Variants in CYP1B1 observed in about 807,000 individuals in gnomAD.
CYP1B1 encodes the protein cytochrome P450 family 1 subfamily B member 1.
A neutral mutation model predicts 29.9 loss-of-function variants in CYP1B1; 22 were observed. The ratio of observed to expected loss-of-function variants is 0.74; its 90% CI spans 0.53 to 1.05. CYP1B1 has a LOEUF of 1.05. Ranked by LOEUF, CYP1B1 falls within the 50% of genes least tolerant of loss-of-function variation. The probability of loss-of-function intolerance (pLI) is 0.00; values close to 1 mark genes in which losing one functional copy is unlikely to be tolerated. For synonymous variants in CYP1B1, 375 were observed against 320.0 expected, an observed-to-expected ratio of 1.17 and a Z score of -1.83; for missense variants, 883 against 746.9, an observed-to-expected ratio of 1.18 and a Z score of -2.12.
In CYP1B1 at chr2:38,075,404, GAGA is replaced by G. The variant is rs1682520016; in HGVS notation, c.-1-18_-1-16del. 1 of 1,609,614 alleles carries G rather than the reference GAGA, an allele frequency of 6.2e-7. No homozygotes were observed. Among genetic ancestry groups the G allele is most frequent in the Non-Finnish European group, 8.5e-7 (1 of 1,179,638 alleles). On this transcript the variant is annotated splice_polypyrimidine_tract_variant and intron_variant, in intron 1 of 2. Coordinates refer to ENST00000610745, the MANE Select transcript of CYP1B1 (RefSeq NM_000104.4). Reference sequence around the variant, plus strand: ...TGGTGCCCATGCTGGGGACAGAGAGGAGAAGGCGTGACACTCAGGGGTGCAGAG... The same window carrying G: ...TGGTGCCCATGCTGGGGACAGAGAGGAGGCGTGACACTCAGGGGTGCAGAG...
chr2:38,072,458 A>G (rs951511384), intron 2 of CYP1B1, among the ~76,000 whole-genome samples: 1 of 152,234 alleles, frequency 6.6e-6, no homozygotes, highest in Non-Finnish European at 1.5e-5. Context: ...ATAACTATAC[A>G]TTATCATAGC....
At position 38,075,067 on chromosome 2, in the gene CYP1B1, C is replaced by G. The variant is rs1682506411; in HGVS notation, c.322G>C (p.Val108Leu). The G allele has an allele frequency of 6.3e-7, 1 of 1,584,756 alleles. No individual in the cohort carries two copies. The highest frequency in any genetic ancestry group is 8.5e-7 in the Non-Finnish European group (1 of 1,173,360). The change falls in exon 2 of 3, where the codon GTG (valine) becomes CTG (leucine). Residue 108 changes from valine (V) to leucine (L), a missense_variant. Physicochemically the swap from Val to Leu is conservative, Grantham distance 32. Transcript: ENST00000610745. ...TCGGCGAAGGCCGAGCCCTGCTGCA[C>G]CAGGGCCTGGTGGATGGCGCGCTCG... The part of the protein sequence containing the change: ...NGERAIHQAL[V>L]QQGSAFADRP...
In CYP1B1 at chr2:38,070,878, A is replaced by G. The variant is rs528878630; in HGVS notation, c.1476T>C (p.Asp492=). 1.2e-6 allele frequency: 2 copies of G among 1,614,208 alleles called. No individual in the cohort carries two copies. Among genetic ancestry groups the G allele is most frequent in the African/African-American group, 2.7e-5 (2 of 75,038 alleles). Reference sequence around the variant, plus strand: ...CAGGCTCATTTGGGTTGGCCCTGAAATCGCACTGGTGAGCCAGGATGGAGA... The same window carrying G: ...CAGGCTCATTTGGGTTGGCCCTGAAGTCGCACTGGTGAGCCAGGATGGAGA... The part of the protein sequence containing the change: ...LFISILAHQC[D]FRANPNEPAK... Residue 492 remains aspartate, a synonymous_variant, in exon 3 of 3, where the codon GAT becomes GAC. Coordinates refer to ENST00000610745, the MANE Select transcript of CYP1B1 (RefSeq NM_000104.4).
At position 38,074,567 on chromosome 2, in the gene CYP1B1, G is replaced by A. The variant is rs1682491415; in HGVS notation, c.822C>T (p.Asp274=). 3.1e-6 allele frequency: 5 copies of A among 1,610,748 alleles called. No homozygotes were observed. Among genetic ancestry groups the A allele is most frequent in the Non-Finnish European group, 4.2e-6 (5 of 1,178,754 alleles). The change falls in exon 2 of 3, where the codon GAC becomes GAT. Residue 274 remains aspartate (D), a synonymous_variant. Coordinates refer to ENST00000610745, the MANE Select transcript of CYP1B1 (RefSeq NM_000104.4). ...LNRNFSNFIL[D]KFLRHCESLR... ...GGCTTTCGCAGTGCCTCAAGAACTT[G>A]TCCAGGATGAAGTTGCTGAAGTTGC... is the stretch of plus-strand genomic sequence containing the variant.
chr2:38,075,478 AGTGCCGTTGG>A, intron 1 of CYP1B1, 89 bp from the exon 2 acceptor site: 1 of 1,365,734 alleles, frequency 7.3e-7, no homozygotes, highest in South Asian at 1.2e-5. Flanking sequence ...CTGGGGACTG[AGTGCCGTTGG>A]GTGGAGAGGT....
chr2:38,074,378 G>A lies in CYP1B1; in HGVS notation c.1011C>T (p.Thr337=), dbSNP rs1248670228. 2 of 1,613,490 alleles carry A rather than the reference G, an allele frequency of 1.2e-6. No homozygotes were observed. The highest frequency in any genetic ancestry group is 1.3e-5 in the African/African-American group (1 of 74,948). ...AGAGGAGGAGCAGCCACTGCAGCGCGGTGGACAGGGTGTCCTGGCTGGCGC... is the reference window on the plus strand; with the variant it reads ...AGAGGAGGAGCAGCCACTGCAGCGCAGTGGACAGGGTGTCCTGGCTGGCGC... ...IFGASQDTLS[T]ALQWLLLLFT... The change falls in exon 2 of 3, where the codon ACC becomes ACT. Residue 337 remains threonine, a synonymous_variant. Transcript: ENST00000610745.
rs1273373810 is a variant in CYP1B1 at position 38,074,804 on chromosome 2, C to A, written c.585G>T (p.Pro195=). Residue 195 remains proline (P), a synonymous_variant, in exon 2 of 3, where the codon CCG becomes CCT. Coordinates refer to ENST00000610745, the MANE Select transcript of CYP1B1 (RefSeq NM_000104.4). ...CGTTGGCCACGGCCACGACGGTCAG[C>A]GGCCTCGGGTCGAGGAAGGCGCCGT... is the stretch of plus-strand genomic sequence containing the variant. ...SADGAFLDPR[P]LTVVAVANVM... The A allele has an allele frequency of 1.3e-6, 2 of 1,579,222 alleles. No homozygotes were observed. Among genetic ancestry groups the A allele is most frequent in the Non-Finnish European group, 1.7e-6 (2 of 1,162,954 alleles).
chr2:38,070,483 A>G lies in CYP1B1; in HGVS notation c.*239T>C. ...ACCAAGATGCAGTATGTATATAATA[A>G]TTCATTGGGCCCTTTAAGTCTTTGA... On this transcript the variant is annotated 3_prime_UTR_variant, in exon 3 of 3. Transcript: ENST00000610745. The G allele has an allele frequency of 5.5e-6, 3 of 544,186 alleles. No homozygotes were observed. The highest frequency in any genetic ancestry group is 6.5e-6 in the Non-Finnish European group (2 of 306,352). 33.7% of individuals were successfully genotyped at this position (544,186 alleles called of 1,614,324 possible).
intron 2 of CYP1B1, among the ~76,000 whole-genome samples, chr2:38,072,725 C>G (rs896354505): frequency 2.0e-5 from 3 of 152,148 alleles, no homozygotes; most frequent in Admixed American, 2.0e-4. Context: ...CTATTTTAGA[C>G]TTTGTGGACC....
Position 38,074,475 on chromosome 2 carries a change from G to T in CYP1B1, c.914C>A (p.Ala305Asp). ...CGCGCCACCACCGTGCGAGTCCCCG[G>T]CCGCCTTCTTTTCCGCAGAGAGGAT... ...AFILSAEKKA[A>D]GDSHGGGARL... The change falls in exon 2 of 3, where the codon GCC (alanine) becomes GAC (aspartate). Residue 305 changes from alanine (A) to aspartate (D), a missense_variant. Transcript: ENST00000610745. 6.2e-7 allele frequency: 1 copy of T among 1,612,656 alleles called. No homozygotes were observed. The highest frequency in any genetic ancestry group is 8.5e-7 in the Non-Finnish European group (1 of 1,179,628).
At position 38,074,728 on chromosome 2, in the gene CYP1B1, ACT is replaced by A; in HGVS notation, c.659_660del (p.Glu220ValfsTer3). ...TCGTTGTGGCTGAGCAGCTCACGGAACTCGGGGTCGTCGTGGCTGTAGCGGCA... is the reference window on the plus strand; with the variant it reads ...TCGTTGTGGCTGAGCAGCTCACGGAACGGGGTCGTCGTGGCTGTAGCGGCA... ...FGCRYSHDDP[E>X]FRELLSHNEE... On this transcript the variant is annotated frameshift_variant, in exon 2 of 3. Transcript: ENST00000610745. LOFTEE classifies it high-confidence loss of function. The A allele has an allele frequency of 6.2e-7, 1 of 1,608,834 alleles. No homozygotes were observed. Among genetic ancestry groups the A allele is most frequent in the South Asian group, 1.1e-5 (1 of 90,188 alleles).
At position 38,068,050 on chromosome 2, in the gene CYP1B1, T is replaced by C. The variant is rs1263581403; in HGVS notation, c.*2672A>G. The stretch of plus-strand genomic sequence containing the variant: ...AACAAACCTGAGACATCTTTTTGTT[T>C]TGGAAAAAAGCAATTTGCTTATAGA... On this transcript the variant is annotated 3_prime_UTR_variant, in exon 3 of 3. Coordinates refer to ENST00000610745, the MANE Select transcript of CYP1B1 (RefSeq NM_000104.4). 1 of 202,054 alleles carries C rather than the reference T, an allele frequency of 4.9e-6. No individual in the cohort carries two copies. The highest frequency in any genetic ancestry group is 1.0e-5 in the Non-Finnish European group (1 of 97,918). 12.5% of individuals were successfully genotyped at this position (202,054 alleles called of 1,614,324 possible).
Position 38,073,134 on chromosome 2 carries a change from C to A in CYP1B1, c.1043+1212G>T, listed in dbSNP as rs532474572. Among the ~76,000 whole-genome samples the A allele has an allele frequency of 9.2e-5, 14 of 152,310 alleles. No homozygotes were observed. In the East Asian group the frequency reaches 2.5e-3, roughly 27 times the overall value. Reference sequence around the variant, plus strand: ...TTATTCGATTTCTGCCTCTCCCTCACCCACCATGGGTGTTTCTATGATTTT... The same window carrying A: ...TTATTCGATTTCTGCCTCTCCCTCAACCACCATGGGTGTTTCTATGATTTT... On this transcript the variant is annotated intron_variant, in intron 2 of 2. Transcript: ENST00000610745.
At chr2:38,075,526 G>A (rs950103658) in intron 1 of CYP1B1, 137 bp from the exon 2 acceptor site, 8 of 844,854 alleles carry the variant, frequency 9.5e-6, no homozygotes, top group Admixed American at 4.3e-5. Flanking sequence ...AGAAATGGCC[G>A]AAGACGCCCC....
rs954811191 is a variant in CYP1B1, at chr2:38,074,339, G to T, written c.1043+7C>A. 3.7e-6 allele frequency: 6 copies of T among 1,612,822 alleles called. No individual in the cohort carries two copies. In the African/African-American group the frequency reaches 6.7e-5, roughly 18 times the overall value. On this transcript the variant is annotated splice_region_variant and intron_variant, in intron 2 of 2. Coordinates refer to ENST00000610745, the MANE Select transcript of CYP1B1 (RefSeq NM_000104.4). Reference sequence around the variant, plus strand: ...AAGACCTGGCCCACGCCTCCCAGAGGCTTTACCTGGTGAAGAGGAGGAGCA... The same window carrying T: ...AAGACCTGGCCCACGCCTCCCAGAGTCTTTACCTGGTGAAGAGGAGGAGCA...
chr2:38,075,005 G>A lies in CYP1B1; in HGVS notation c.384C>T (p.Gly128=). ...PAFASFRVVS[G]GRSMAFGHYS... ...AGTGGCCGAAAGCCATGCTGCGGCCGCCGGACACCACACGGAAGGAGGCGA... is the reference window on the plus strand; with the variant it reads ...AGTGGCCGAAAGCCATGCTGCGGCCACCGGACACCACACGGAAGGAGGCGA... The change falls in exon 2 of 3, where the codon GGC becomes GGT. Residue 128 remains glycine (G), a synonymous_variant. Transcript: ENST00000610745. 4 of 1,590,344 alleles carry A rather than the reference G, an allele frequency of 2.5e-6. No individual in the cohort carries two copies. The South Asian group carries it at 3.3e-5, about 13-fold the overall frequency.
Position 38,075,766 on chromosome 2 carries a change from G to A in CYP1B1, c.-2+14C>T, listed in dbSNP as rs1682527538. 3.3e-6 allele frequency: 1 copy of A among 300,698 alleles called. No homozygotes were observed. Among genetic ancestry groups the A allele is most frequent in the South Asian group, 3.8e-5 (1 of 26,352 alleles). 18.6% of individuals were successfully genotyped at this position (300,698 alleles called of 1,614,324 possible). A position where few individuals can be genotyped will look rare whatever the true frequency, so the allele number is the denominator to read the frequency against. On this transcript the variant is annotated intron_variant, in intron 1 of 2. Transcript: ENST00000610745. ...GAAGAGGTCGCCGGGCAGCGCCTCG[G>A]CAGACAGACTGACCTGCGGGGAGGT...
In CYP1B1 at chr2:38,068,576, CAA is replaced by C; in HGVS notation, c.*2144_*2145del. 4.4e-6 allele frequency: 1 copy of C among 227,450 alleles called. No homozygotes were observed. Among genetic ancestry groups the C allele is most frequent in the Non-Finnish European group, 8.8e-6 (1 of 114,186 alleles). 14.1% of individuals were successfully genotyped at this position (227,450 alleles called of 1,614,324 possible). A position where few individuals can be genotyped will look rare whatever the true frequency, so the allele number is the denominator to read the frequency against. On this transcript the variant is annotated 3_prime_UTR_variant, in exon 3 of 3. Transcript: ENST00000610745. Reference sequence around the variant, plus strand: ...CATAATATTTTGGAATGGCAAGTGCCAAAAAATTTAAATGTACTGGGCAAGCC... The same window carrying C: ...CATAATATTTTGGAATGGCAAGTGCCAAAATTTAAATGTACTGGGCAAGCC...
rs1682415169 is a variant in CYP1B1, at chr2:38,070,892, C to T, written c.1462G>A (p.Ala488Thr). Residue 488 changes from alanine to threonine, a missense_variant, in exon 3 of 3, where the codon GCT (alanine) becomes ACT (threonine). Ala to Thr is a moderately conservative substitution (Grantham distance 58). Transcript: ENST00000610745. ...MQLFLFISIL[A>T]HQCDFRANPN... The stretch of plus-strand genomic sequence containing the variant: ...TTGGCCCTGAAATCGCACTGGTGAG[C>T]CAGGATGGAGATGAAGAGAAAAAGC... 5 of 1,613,920 alleles carry T rather than the reference C, an allele frequency of 3.1e-6. No individual in the cohort carries two copies. The highest frequency in any genetic ancestry group is 2.7e-5 in the African/African-American group (2 of 74,868).
Sources: gnomAD v4.1 joint callset for allele counts (sites outside exome capture counted in the v4.1 genomes callset) on GRCh38, gnomAD v4.1.1 for gene constraint, MANE v1.5 for transcripts, NCBI Gene and HGNC (gene_info 2026-07-23, HGNC 2026-07-21) for gene names.